OSBPL8: variants seen among roughly 807,000 people sequenced by gnomAD.
OSBPL8 encodes oxysterol binding protein like 8, also known as oxysterol-binding protein-related protein 8.
OSBPL8 carries 59 observed loss-of-function variants against 125.5 expected under a neutral mutation model. The observed-to-expected ratio is 0.47, with a 90% CI of 0.38 to 0.58. OSBPL8 has a LOEUF of 0.58. Ranked by LOEUF, OSBPL8 falls within the 20% of genes least tolerant of loss-of-function variation. The pLI is 0.00. For synonymous variants in OSBPL8, 330 were observed against 338.9 expected (o/e 0.97, Z 0.29); for missense variants, 758 against 1,047.8 (o/e 0.72, Z 3.82).
rs537518144 is a variant in OSBPL8 at position 76,519,241 on chromosome 12, G to A, written c.-67-31623C>T. Among the ~76,000 whole-genome samples, 42 of 152,248 alleles carry A rather than the reference G, an allele frequency of 2.8e-4. 2 individuals carry two copies. The South Asian group carries it at 8.5e-3, about 31-fold the overall frequency. ...TTACTCTTAAGTTCGACCTTCCACA[G>A]AACCCTAGGATTTGGACACAATGCA... On this transcript the variant is annotated intron_variant, in intron 1 of 23. Transcript: ENST00000261183.
intron 4 of OSBPL8, among the ~76,000 whole-genome samples, chr12:76,446,944 A>T (rs1186570768): frequency 1.3e-5 from 2 of 152,208 alleles, no homozygotes; most frequent in African/African-American, 4.8e-5. Context: ...TCAAAAAATT[A>T]ATACTTTGCA....
chr12:76,380,168 G>C (rs575588678), intron 15 of OSBPL8, among the ~76,000 whole-genome samples: 5 of 152,054 alleles, frequency 3.3e-5, no homozygotes, highest in African/African-American at 9.7e-5. Context: ...CTTCAAAAAA[G>C]CCTGCTTAGA....
At chr12:76,558,927 C>T (rs1431023533) in intron 1 of OSBPL8, among the ~76,000 whole-genome samples, 3 of 152,218 alleles carry the variant, frequency 2.0e-5, no homozygotes, top group Non-Finnish European at 4.4e-5. Flanking sequence ...AGGAACAACA[C>T]CGTGTCGCTT....
chr12:76,539,259 T>C (rs1950578031), intron 1 of OSBPL8, among the ~76,000 whole-genome samples: 1 of 152,164 alleles, frequency 6.6e-6, no homozygotes, highest in Non-Finnish European at 1.5e-5. Flanking sequence ...TATTCTTCTC[T>C]ATGCGTATTT....
rs907580657 is a variant in OSBPL8 at position 76,355,222 on chromosome 12, T to A, written c.*667A>T. 6.6e-6 allele frequency: 1 copy of A among 152,522 alleles called. No homozygotes were observed. Among genetic ancestry groups the A allele is most frequent in the African/African-American group, 2.4e-5 (1 of 41,450 alleles). The allele number at this position is 152,522 out of a possible 1,614,324, so 9.4% of individuals were successfully genotyped here. A position where few individuals can be genotyped will look rare whatever the true frequency, so the allele number is the denominator to read the frequency against. ...CTGATATACACGTAAGTATATATAT[T>A]TACCTGCATCTACAAATATTAAATT... On this transcript the variant is annotated 3_prime_UTR_variant, in exon 24 of 24. Coordinates refer to ENST00000261183, the MANE Select transcript of OSBPL8 (RefSeq NM_020841.5).
At chr12:76,516,656 T>C (rs921888366) in intron 1 of OSBPL8, among the ~76,000 whole-genome samples, 1 of 152,134 alleles carries the variant, frequency 6.6e-6, no homozygotes, top group African/African-American at 2.4e-5. Context: ...AGTTAGTTCT[T>C]TGAAAAGAAT....
At chr12:76,440,178 G>C (rs1168093655) in intron 4 of OSBPL8, among the ~76,000 whole-genome samples, 1 of 152,080 alleles carries the variant, frequency 6.6e-6, no homozygotes, top group Non-Finnish European at 1.5e-5. Context: ...TTTTAAAAAT[G>C]ACTCTCACCC....
At chr12:76,532,991 C>T (rs1377833659) in intron 1 of OSBPL8, among the ~76,000 whole-genome samples, 1 of 151,982 alleles carries the variant, frequency 6.6e-6, no homozygotes, top group Non-Finnish European at 1.5e-5. Context: ...TTACTTGAAC[C>T]GAAAAACCCT....
intron 2 of OSBPL8, among the ~76,000 whole-genome samples, chr12:76,474,930 T>C (rs935918702): frequency 4.6e-5 from 7 of 152,328 alleles, no homozygotes; most frequent in African/African-American, 1.7e-4. Flanking sequence ...CCGGTGACTT[T>C]TGAAGCAGTC....
At chr12:76,424,455 A>G (rs1269563085) in intron 4 of OSBPL8, among the ~76,000 whole-genome samples, 2 of 152,200 alleles carry the variant, frequency 1.3e-5, no homozygotes, top group African/African-American at 4.8e-5. Context: ...GCTTTTCTCC[A>G]TATCATAAAA....
intron 1 of OSBPL8, among the ~76,000 whole-genome samples, chr12:76,551,916 T>C (rs1950949577): frequency 6.6e-6 from 1 of 152,200 alleles, no homozygotes; most frequent in Non-Finnish European, 1.5e-5. Context: ...TTACAATCCA[T>C]TGTGGGTATT....
At chr12:76,511,169 T>C (rs1218801673) in intron 1 of OSBPL8, among the ~76,000 whole-genome samples, 1 of 152,242 alleles carries the variant, frequency 6.6e-6, no homozygotes, top group African/African-American at 2.4e-5. Context: ...GTTGATTCCG[T>C]GTCTTCGCCA....
rs1276743847 is a variant in OSBPL8, at chr12:76,353,183, G to A, written c.*2706C>T. ...GGAATGCGGTTACCAACTGAGCTGT[G>A]ACAAAGAGTACACTGTACCTTTATA... On this transcript the variant is annotated 3_prime_UTR_variant, in exon 24 of 24. Coordinates refer to ENST00000261183, the MANE Select transcript of OSBPL8 (RefSeq NM_020841.5). The A allele has an allele frequency of 6.6e-6, 1 of 152,258 alleles. No homozygotes were observed. The highest frequency in any genetic ancestry group is 1.5e-5 in the Non-Finnish European group (1 of 67,844). 9.4% of individuals were successfully genotyped at this position (152,258 alleles called of 1,614,324 possible). A position where few individuals can be genotyped will look rare whatever the true frequency, so the allele number is the denominator to read the frequency against.
intron 15 of OSBPL8, among the ~76,000 whole-genome samples, chr12:76,383,927 G>C (rs768791733): frequency 1.3e-5 from 2 of 152,048 alleles, no homozygotes; most frequent in Non-Finnish European, 2.9e-5. Context: ...AAAATAGAAA[G>C]ACTAATCCCT....
At chr12:76,450,795 C>A in intron 4 of OSBPL8, 56 bp downstream of exon 4, 1 of 1,497,976 alleles carries the variant, frequency 6.7e-7, no homozygotes, top group Non-Finnish European at 9.0e-7. Flanking sequence ...CTCCCCTTCT[C>A]CCCTCCAAAA....
chr12:76,425,989 T>TA (rs1870104912), intron 4 of OSBPL8, among the ~76,000 whole-genome samples: 2 of 152,172 alleles, frequency 1.3e-5, no homozygotes, highest in Admixed American at 1.3e-4. Flanking sequence ...GCCCTTTCCT[T>TA]ACCCAACTAG....
chr12:76,557,929 C>A (rs545755135), intron 1 of OSBPL8, among the ~76,000 whole-genome samples: 5 of 152,210 alleles, frequency 3.3e-5, no homozygotes, highest in Non-Finnish European at 7.4e-5. Flanking sequence ...GAGAAATAAA[C>A]CATGGCCATT....
intron 4 of OSBPL8, chr12:76,422,563 A>C (rs1385024123): frequency 4.4e-6 from 2 of 456,634 alleles, no homozygotes; most frequent in South Asian, 3.1e-5. Flanking sequence ...CATTCCGAAC[A>C]AGCTTTCGGC....
At chr12:76,403,389 C>T (rs1242597664) in intron 5 of OSBPL8, among the ~76,000 whole-genome samples, 2 of 152,116 alleles carry the variant, frequency 1.3e-5, no homozygotes, top group Non-Finnish European at 2.9e-5. Flanking sequence ...TTAATCTTCA[C>T]AAGAATCTTG....
Sources: gnomAD v4.1 joint callset for allele counts (sites outside exome capture counted in the v4.1 genomes callset) on GRCh38, gnomAD v4.1.1 for gene constraint, MANE v1.5 for transcripts, NCBI Gene and HGNC (gene_info 2026-07-23, HGNC 2026-07-21) for gene names.